Variants in NRXN3 observed in about 807,000 individuals in gnomAD.
The protein encoded by NRXN3 is neurexin III.
In NRXN3, 32 loss-of-function variants were observed where a neutral mutation model predicts 137.6. The ratio of observed to expected loss-of-function variants is 0.23; its 90% CI spans 0.18 to 0.31. The LOEUF is 0.31. Among genes scored for constraint, NRXN3 ranks in the 10% least tolerant of loss-of-function variants. NRXN3 has a pLI of 1.00. For synonymous variants in NRXN3, 798 were observed against 784.5 expected (o/e 1.02, Z -0.29); for missense variants, 1,574 against 2,062.5 (o/e 0.76, Z 4.59).
intron 19 of NRXN3, among the ~76,000 whole-genome samples, chr14:79,779,209 G>A (rs991672598): frequency 6.6e-6 from 1 of 152,156 alleles, no homozygotes; most frequent in Non-Finnish European, 1.5e-5. Flanking sequence ...TACCTCCTGG[G>A]TTCAAGTGAT....
rs1043523878 is a variant in NRXN3, at chr14:79,524,825, C to A, written c.3444+57423C>A. On this transcript the variant is annotated intron_variant, in intron 16 of 20. Coordinates refer to ENST00000335750, the MANE Select transcript of NRXN3 (RefSeq NM_001330195.2). ...AATTGTTCATTTTTATGCTTAGGTT[C>A]AACCAAGTGTGGACATCTGTGTAGA... Among the ~76,000 whole-genome samples the A allele has an allele frequency of 8.5e-5, 13 of 152,164 alleles. 1 individual carries two copies.
chr14:79,267,633 C>A (rs1379305994), intron 15 of NRXN3, among the ~76,000 whole-genome samples: 2 of 151,674 alleles, frequency 1.3e-5, no homozygotes, highest in Non-Finnish European at 2.9e-5. Flanking sequence ...GCTAGGTGAG[C>A]TACCACACCC....
At chr14:78,902,758 C>T (rs991714503) in intron 10 of NRXN3, among the ~76,000 whole-genome samples, 1 of 151,756 alleles carries the variant, frequency 6.6e-6, no homozygotes, top group Non-Finnish European at 1.5e-5. Flanking sequence ...CAGCTGCCCA[C>T]CTTGAATTTT....
At chr14:79,654,753 G>A (rs1425731187) in intron 16 of NRXN3, among the ~76,000 whole-genome samples, 3 of 152,064 alleles carry the variant, frequency 2.0e-5, no homozygotes, top group African/African-American at 4.8e-5. Flanking sequence ...GGTAGAGAAT[G>A]GTATAGAATT....
intron 17 of NRXN3, among the ~76,000 whole-genome samples, chr14:79,690,088 A>G (rs975316624): frequency 6.6e-6 from 1 of 152,184 alleles, no homozygotes; most frequent in African/African-American, 2.4e-5. Context: ...ATCTGGCGCA[A>G]GCCAATTACC....
intron 10 of NRXN3, among the ~76,000 whole-genome samples, chr14:78,916,529 T>C (rs949691781): frequency 2.6e-5 from 4 of 152,096 alleles, no homozygotes; most frequent in Non-Finnish European, 5.9e-5. Context: ...CCAAAAGCCC[T>C]TTGTGGGAGT....
intron 6 of NRXN3, among the ~76,000 whole-genome samples, chr14:78,681,961 G>A (rs145585118): frequency 0.012 from 1,828 of 152,070 alleles, 23 homozygotes; most frequent in South Asian, 0.02. Context: ...TCTGCCTCCC[G>A]GGTTCAAGCA....
At chr14:79,740,862 T>G (rs1253968435) in intron 19 of NRXN3, among the ~76,000 whole-genome samples, 1 of 149,930 alleles carries the variant, frequency 6.7e-6, no homozygotes, top group East Asian at 2.0e-4. Context: ...GGGTGAAGCT[T>G]ATGTTTTCAT....
At chr14:79,379,579 C>T (rs1195063792) in intron 15 of NRXN3, among the ~76,000 whole-genome samples, 1 of 152,150 alleles carries the variant, frequency 6.6e-6, no homozygotes, top group Non-Finnish European at 1.5e-5. Flanking sequence ...CCTCTGACAG[C>T]ATTTTCAGAG....
At chr14:79,686,909 G>A (rs555566027) in intron 17 of NRXN3, among the ~76,000 whole-genome samples, 1 of 152,188 alleles carries the variant, frequency 6.6e-6, no homozygotes, top group Non-Finnish European at 1.5e-5. Context: ...GTGTACGACA[G>A]GGTGATTTGC....
At chr14:79,241,167 A>C (rs1393386428) in intron 15 of NRXN3, among the ~76,000 whole-genome samples, 1 of 152,118 alleles carries the variant, frequency 6.6e-6, no homozygotes, top group African/African-American at 2.4e-5. Flanking sequence ...TTAGAGGGCA[A>C]CTCTGAGATA....
chr14:79,717,276 G>C (rs2098826973), intron 19 of NRXN3, among the ~76,000 whole-genome samples: 1 of 152,202 alleles, frequency 6.6e-6, no homozygotes, highest in South Asian at 2.1e-4. Flanking sequence ...CTTCCATGCT[G>C]ACTCCAAAAG....
intron 15 of NRXN3, among the ~76,000 whole-genome samples, chr14:79,222,152 T>C (rs1221045732): frequency 1.3e-5 from 2 of 152,340 alleles, no homozygotes; most frequent in African/African-American, 4.8e-5. Flanking sequence ...TTTTGGTTAC[T>C]GTAGCCTTGT....
chr14:79,458,016 G>A (rs1424503973), intron 15 of NRXN3, among the ~76,000 whole-genome samples: 1 of 151,958 alleles, frequency 6.6e-6, no homozygotes, highest in Non-Finnish European at 1.5e-5. Flanking sequence ...TTTATATTTT[G>A]CTTATGAACA....
At chr14:79,212,646 G>A (rs995694529) in intron 15 of NRXN3, among the ~76,000 whole-genome samples, 4 of 152,242 alleles carry the variant, frequency 2.6e-5, no homozygotes, top group African/African-American at 9.6e-5. Context: ...CAGTTAAGCT[G>A]TCTTCCTCTA....
intron 4 of NRXN3, among the ~76,000 whole-genome samples, chr14:78,641,459 G>A (rs956847437): frequency 6.6e-6 from 1 of 152,144 alleles, no homozygotes; most frequent in Non-Finnish European, 1.5e-5. Flanking sequence ...GGGACAGAGC[G>A]AGACTCTGTC....
At chr14:78,256,556 C>T (rs1329405291) in intron 2 of NRXN3, among the ~76,000 whole-genome samples, 2 of 152,200 alleles carry the variant, frequency 1.3e-5, no homozygotes, top group Non-Finnish European at 2.9e-5. Context: ...GCACATCATG[C>T]ACCCCCTTTT....
chr14:79,233,401 T>A (rs956262930), intron 15 of NRXN3, among the ~76,000 whole-genome samples: 3 of 152,160 alleles, frequency 2.0e-5, no homozygotes, highest in Non-Finnish European at 2.9e-5. Context: ...CCAGTACAAC[T>A]TGGTATGCCC....
chr14:79,453,116 A>C (rs1215157772), intron 15 of NRXN3, among the ~76,000 whole-genome samples: 1 of 152,078 alleles, frequency 6.6e-6, no homozygotes, highest in Non-Finnish European at 1.5e-5. Flanking sequence ...ATTCCTGGAG[A>C]ATTATTTCAT....
Sources: allele counts gnomAD v4.1 joint callset (sites outside exome capture counted in the v4.1 genomes callset), GRCh38; gene constraint gnomAD v4.1.1; transcripts MANE v1.5; gene names NCBI Gene and HGNC (gene_info 2026-07-23, HGNC 2026-07-21).